Variants in LASP1 observed in about 807,000 individuals in gnomAD.
The protein encoded by LASP1 is LIM and SH3 domain protein 1.
Under a neutral mutation model 38.6 loss-of-function variants are expected in LASP1, and 10 were observed. That is an observed-to-expected ratio of 0.26 (90% confidence interval 0.16 to 0.44). The LOEUF (loss-of-function observed/expected upper bound fraction) is 0.44. Among genes scored for constraint, LASP1 ranks in the 20% least tolerant of loss-of-function variants. The pLI is 1.00. For synonymous variants in LASP1, 132 were observed against 140.8 expected, an observed-to-expected ratio of 0.94 and a Z score of 0.44; for missense variants, 243 against 375.7, an observed-to-expected ratio of 0.65 and a Z score of 2.92.
chr17:38,885,031 G>A (rs1914075281), intron 2 of LASP1, among the ~76,000 whole-genome samples: 2 of 152,156 alleles, frequency 1.3e-5, no homozygotes, highest in South Asian at 4.1e-4. Context: ...AAGCAGGTGT[G>A]GCTGAGAGGC....
intron 4 of LASP1, among the ~76,000 whole-genome samples, chr17:38,908,284 A>G (rs1914827442): frequency 6.6e-6 from 1 of 152,160 alleles, no homozygotes; most frequent in African/African-American, 2.4e-5. Flanking sequence ...TCCTTAGCAG[A>G]AAGGAAACAA....
chr17:38,883,726 C>G (rs369793095), intron 2 of LASP1, among the ~76,000 whole-genome samples: 1 of 148,362 alleles, frequency 6.7e-6, no homozygotes, highest in Non-Finnish European at 1.5e-5. Flanking sequence ...TCTATATTAC[C>G]GACAGGGGCA....
At chr17:38,899,504 C>G (rs1345749908) in intron 4 of LASP1, among the ~76,000 whole-genome samples, 4 of 152,164 alleles carry the variant, frequency 2.6e-5, no homozygotes, top group Admixed American at 2.0e-4. Flanking sequence ...CCTTTAAGAG[C>G]TTGGCTGGGC....
chr17:38,912,194 C>T (rs1430253528), intron 4 of LASP1, among the ~76,000 whole-genome samples: 2 of 152,240 alleles, frequency 1.3e-5, no homozygotes, highest in Non-Finnish European at 2.9e-5. Flanking sequence ...GGAATAGGGA[C>T]CTTGACTTTT....
intron 3 of LASP1, chr17:38,896,798 T>G: frequency 2.2e-5 from 10 of 458,288 alleles, no homozygotes; most frequent in Non-Finnish European, 2.9e-5. Flanking sequence ...AGTGGGAGAC[T>G]GAGCCTGCGT....
intron 1 of LASP1, among the ~76,000 whole-genome samples, chr17:38,873,239 G>A (rs1396481446): frequency 1.3e-5 from 2 of 152,118 alleles, no homozygotes; most frequent in Non-Finnish European, 2.9e-5. Context: ...CTCCCCACTC[G>A]AGGGGGTTGA....
chr17:38,886,761 T>C (rs919696012), intron 2 of LASP1, among the ~76,000 whole-genome samples: 8 of 151,824 alleles, frequency 5.3e-5, no homozygotes, highest in Non-Finnish European at 8.8e-5. Context: ...GAGGCGCCCA[T>C]CGGTGCAGAG....
At chr17:38,874,902 C>T (rs909588406) in intron 1 of LASP1, among the ~76,000 whole-genome samples, 1 of 152,082 alleles carries the variant, frequency 6.6e-6, no homozygotes, top group Admixed American at 6.5e-5. Flanking sequence ...GTGCCCCCTG[C>T]CTGCTCAGTA....
intron 4 of LASP1, among the ~76,000 whole-genome samples, chr17:38,899,403 G>A (rs1190235462): frequency 1.3e-5 from 2 of 152,128 alleles, no homozygotes; most frequent in South Asian, 2.1e-4. Context: ...AGAGATTGCC[G>A]GGGGAGCCTG....
rs555815777 is a variant in LASP1 at position 38,874,693 on chromosome 17, C to T, written c.70-3393C>T. ...AGTAACTGGTTTCCATGTTTCTGCT[C>T]AGAGCCCCCTGCAGGGGGACAGGCG... On this transcript the variant is annotated intron_variant, in intron 1 of 6. Transcript: ENST00000318008. 1.6e-3 allele frequency among the ~76,000 whole-genome samples: 248 copies of T among 152,316 alleles called. 1 individual carries two copies. Among genetic ancestry groups the T allele is most frequent in the African/African-American group, 5.2e-3 (216 of 41,566 alleles).
At position 38,870,082 on chromosome 17, in the gene LASP1, G is replaced by GT. The variant is rs1913549648; in HGVS notation, c.-107dup. The GT allele has an allele frequency of 8.2e-7, 1 of 1,213,256 alleles. No homozygotes were observed. The highest frequency in any genetic ancestry group is 1.9e-5 in the Admixed American group (1 of 52,474). 75.2% of individuals were successfully genotyped at this position (1,213,256 alleles called of 1,614,324 possible). ...GGCCAGTTCCCCAGCTCCAGCCGCC[G>GT]TCGCTGCTGCCTGTGTAGTTGCAGC... On this transcript the variant is annotated 5_prime_UTR_variant, in exon 1 of 7. Transcript: ENST00000318008.
intron 2 of LASP1, among the ~76,000 whole-genome samples, chr17:38,879,973 C>T (rs1913895000): frequency 6.6e-6 from 1 of 152,156 alleles, no homozygotes; most frequent in Non-Finnish European, 1.5e-5. Flanking sequence ...GCTGCCCCTT[C>T]TCTTCTATTA....
intron 3 of LASP1, 134 bp downstream of exon 3, chr17:38,890,638 C>T: frequency 2.6e-6 from 2 of 772,426 alleles, no homozygotes; most frequent in Non-Finnish European, 4.4e-6. Context: ...CTAGCATTGC[C>T]TTTAATCTTG....
chr17:38,902,292 T>A (rs1914662151), intron 4 of LASP1, among the ~76,000 whole-genome samples: 1 of 151,096 alleles, frequency 6.6e-6, no homozygotes. Flanking sequence ...AACTCCTGGA[T>A]TCAAGTTATC....
Position 38,921,195 on chromosome 17 carries a change from G to A in LASP1, c.*2417G>A, listed in dbSNP as rs1021049529. ...GCACAGAGCCCTGAGGGGCTGGGCTGGGCTGGGCTGAGCCCCTGGTCTTCT... is the reference window on the plus strand; with the variant it reads ...GCACAGAGCCCTGAGGGGCTGGGCTAGGCTGGGCTGAGCCCCTGGTCTTCT... On this transcript the variant is annotated 3_prime_UTR_variant, in exon 7 of 7. Transcript: ENST00000318008. 4 of 229,506 alleles carry A rather than the reference G, an allele frequency of 1.7e-5. No individual in the cohort carries two copies. The highest frequency in any genetic ancestry group is 8.9e-5 in the African/African-American group (4 of 45,048). The allele number at this position is 229,506 out of a possible 1,614,324, so 14.2% of individuals were successfully genotyped here.
intron 1 of LASP1, among the ~76,000 whole-genome samples, chr17:38,874,411 A>G (rs1177679546): frequency 1.3e-5 from 2 of 152,142 alleles, no homozygotes; most frequent in African/African-American, 4.8e-5. Context: ...CTTAGGGTCC[A>G]GGCTTGGCTC....
At position 38,875,089 on chromosome 17, in the gene LASP1, G is replaced by GTGTGTGTGTGTGT. The variant is rs1555553217; in HGVS notation, c.70-2997_70-2996insTGTGTGTGTGTGT. 5.9e-3 allele frequency among the ~76,000 whole-genome samples: 660 copies of GTGTGTGTGTGTGT among 111,504 alleles called. 1 individual carries two copies. Among genetic ancestry groups the GTGTGTGTGTGTGT allele is most frequent in the African/African-American group, 0.02 (619 of 31,008 alleles). 73.2% of individuals were successfully genotyped at this position (111,504 alleles called of 152,430 possible). A position where few individuals can be genotyped will look rare whatever the true frequency, so the allele number is the denominator to read the frequency against. On this transcript the variant is annotated intron_variant, in intron 1 of 6. Transcript: ENST00000318008. ...TGTGTGTGTGTGTGTGTGTGTGTGT[G>GTGTGTGTGTGTGT]AGAAAGTGGGTCATGGTCTGGATTC...
intron 4 of LASP1, among the ~76,000 whole-genome samples, chr17:38,902,066 C>G (rs963540527): frequency 2.0e-5 from 3 of 151,516 alleles, no homozygotes; most frequent in African/African-American, 7.3e-5. Context: ...CGAGCCCAGC[C>G]TATTTTTATT....
At chr17:38,910,801 C>A (rs180680939) in intron 4 of LASP1, among the ~76,000 whole-genome samples, 4 of 148,076 alleles carry the variant, frequency 2.7e-5, no homozygotes, top group Non-Finnish European at 1.5e-5. Flanking sequence ...TGGCTCACTG[C>A]GACCTCCGCC....
Sources: gnomAD v4.1 joint callset for allele counts (sites outside exome capture counted in the v4.1 genomes callset) on GRCh38, gnomAD v4.1.1 for gene constraint, MANE v1.5 for transcripts, NCBI Gene and HGNC (gene_info 2026-07-23, HGNC 2026-07-21) for gene names.